DPP10: variants seen among roughly 807,000 people sequenced by gnomAD.
DPP10 encodes the protein dipeptidyl peptidase like 10.
Under a neutral mutation model 120.9 loss-of-function variants are expected in DPP10, and 33 were observed. The ratio of observed to expected loss-of-function variants is 0.27; its 90% CI spans 0.21 to 0.37. The LOEUF (loss-of-function observed/expected upper bound fraction) is 0.37. Ranked by LOEUF, DPP10 falls within the 10% of genes least tolerant of loss-of-function variation. The pLI is 1.00. For synonymous variants in DPP10, 337 were observed against 326.1 expected, an observed-to-expected ratio of 1.03 and a Z score of -0.36; for missense variants, 816 against 942.8, an observed-to-expected ratio of 0.87 and a Z score of 1.76.
chr2:115,628,759 TTTATTTTACA>T (rs1455382948), intron 5 of DPP10, among the ~76,000 whole-genome samples: 1 of 152,034 alleles, frequency 6.6e-6, no homozygotes, highest in Non-Finnish European at 1.5e-5. Flanking sequence ...CCCAGCACCA[TTTATTTTACA>T]TTTATTTATT....
chr2:114,859,622 G>A, intron 1 of DPP10, among the ~76,000 whole-genome samples: 1 of 152,104 alleles, frequency 6.6e-6, no homozygotes, highest in East Asian at 1.9e-4. Context: ...TAAAATCAGT[G>A]CCAAACGTTT....
At chr2:115,414,926 A>C (rs77011748) in intron 3 of DPP10, among the ~76,000 whole-genome samples, 1 of 152,084 alleles carries the variant, frequency 6.6e-6, no homozygotes, top group African/African-American at 2.4e-5. Context: ...CAATATCTCA[A>C]TTTCCACGGA....
rs111558215 is a variant in DPP10 at position 114,561,063 on chromosome 2, G to C, written c.60+118225G>C. 7.3e-3 allele frequency among the ~76,000 whole-genome samples: 1,104 copies of C among 152,190 alleles called. 14 individuals carry two copies. Among genetic ancestry groups the C allele is most frequent in the African/African-American group, 0.025 (1,020 of 41,522 alleles). On this transcript the variant is annotated intron_variant, in intron 1 of 25. Transcript: ENST00000410059. Reference sequence around the variant, plus strand: ...AGAGCCACAGCACCCCCTTTCTCCTGCCTGGGTGTCTCCTGTCCCTCCACA... The same window carrying C: ...AGAGCCACAGCACCCCCTTTCTCCTCCCTGGGTGTCTCCTGTCCCTCCACA...
chr2:115,197,613 T>C lies in DPP10; in HGVS notation c.61-111626T>C, dbSNP rs557484119. Among the ~76,000 whole-genome samples the C allele has an allele frequency of 2.2e-4, 33 of 152,286 alleles. 1 individual carries two copies. In the South Asian group the frequency reaches 6.4e-3, roughly 30 times the overall value. On this transcript the variant is annotated intron_variant, in intron 1 of 25. Transcript: ENST00000410059. Reference sequence around the variant, plus strand: ...TATCTTATTGGCTGTATCTTCAAGTTCTTTAAGCATTGACATCAGATTTTC... The same window carrying C: ...TATCTTATTGGCTGTATCTTCAAGTCCTTTAAGCATTGACATCAGATTTTC...
intron 1 of DPP10, among the ~76,000 whole-genome samples, chr2:115,271,052 C>G (rs2059679813): frequency 6.6e-6 from 1 of 152,178 alleles, no homozygotes; most frequent in Non-Finnish European, 1.5e-5. Context: ...ACTACTCAAG[C>G]TCTTTCCACC....
intron 5 of DPP10, among the ~76,000 whole-genome samples, chr2:115,651,137 T>A (rs59638221): frequency 7.9e-5 from 12 of 151,982 alleles, no homozygotes; most frequent in African/African-American, 2.4e-4. Flanking sequence ...GTCTCTGTGT[T>A]TCCCATCACC....
At chr2:115,732,686 G>A (rs2092939392) in intron 8 of DPP10, among the ~76,000 whole-genome samples, 2 of 151,818 alleles carry the variant, frequency 1.3e-5, no homozygotes, top group South Asian at 4.2e-4. Flanking sequence ...TTTCCATAAA[G>A]CATTTAATCT....
chr2:115,829,027 A>C (rs1384773257), intron 21 of DPP10, among the ~76,000 whole-genome samples: 1 of 152,118 alleles, frequency 6.6e-6, no homozygotes, highest in Non-Finnish European at 1.5e-5. Flanking sequence ...ATTTTGTTAA[A>C]ATTTGCATAT....
At chr2:115,053,302 C>G (rs1213177495) in intron 1 of DPP10, among the ~76,000 whole-genome samples, 2 of 152,200 alleles carry the variant, frequency 1.3e-5, no homozygotes, top group Admixed American at 1.3e-4. Context: ...CAACACAGTA[C>G]TAGCACACGC....
chr2:115,147,037 G>T (rs978837824), intron 1 of DPP10, among the ~76,000 whole-genome samples: 3 of 152,014 alleles, frequency 2.0e-5, no homozygotes, highest in African/African-American at 7.2e-5. Flanking sequence ...ATTGAACAAA[G>T]ATCATACCAA....
At chr2:114,753,724 A>G (rs1679451473) in intron 1 of DPP10, among the ~76,000 whole-genome samples, 2 of 152,052 alleles carry the variant, frequency 1.3e-5, no homozygotes, top group South Asian at 2.1e-4. Context: ...CCTGGCTAAC[A>G]CGGTGAAACC....
chr2:114,868,512 G>T (rs2106554829), intron 1 of DPP10, among the ~76,000 whole-genome samples: 1 of 152,240 alleles, frequency 6.6e-6, no homozygotes, highest in African/African-American at 2.4e-5. Context: ...GCACTGGAAA[G>T]AGTTTATCAC....
chr2:115,187,076 C>T (rs116405629), intron 1 of DPP10, among the ~76,000 whole-genome samples: 2,005 of 115,454 alleles, frequency 0.017, 19 homozygotes, highest in Middle Eastern at 0.07. Context: ...TTCGCTCTGT[C>T]GGGCCTGCGG....
At chr2:114,570,911 C>A (rs888078957) in intron 1 of DPP10, among the ~76,000 whole-genome samples, 1 of 147,572 alleles carries the variant, frequency 6.8e-6, no homozygotes, top group African/African-American at 2.5e-5. Context: ...AGAAAAAATT[C>A]ATGGATGGAC....
At chr2:115,266,048 A>G (rs2059448154) in intron 1 of DPP10, among the ~76,000 whole-genome samples, 1 of 152,286 alleles carries the variant, frequency 6.6e-6, no homozygotes, top group Middle Eastern at 3.4e-3. Flanking sequence ...CTTGAATTTC[A>G]TATTAGTGTT....
chr2:115,681,145 C>T lies in DPP10; in HGVS notation c.442-8542C>T, dbSNP rs1447504089. On this transcript the variant is annotated intron_variant, in intron 5 of 25. Transcript: ENST00000410059. ...TTGTTTTAGCCGTAGTAAAAAATGA[C>T]TGGTAATAGGAATCAAAATGTAAAA... 2.0e-5 allele frequency among the ~76,000 whole-genome samples: 3 copies of T among 151,708 alleles called. No individual in the cohort carries two copies. The East Asian group carries it at 5.8e-4, about 29-fold the overall frequency.
chr2:115,353,686 T>C (rs1007078346), intron 3 of DPP10, among the ~76,000 whole-genome samples: 8 of 152,178 alleles, frequency 5.3e-5, no homozygotes, highest in Non-Finnish European at 8.8e-5. Context: ...TTTGCATTTT[T>C]TTGAAAACCC....
At chr2:115,771,056 G>GTATTTATT (rs5833633) in intron 13 of DPP10, among the ~76,000 whole-genome samples, 62 of 149,202 alleles carry the variant, frequency 4.2e-4, no homozygotes, top group Middle Eastern at 3.4e-3. Flanking sequence ...ATACTGTACT[G>GTATTTATT]TATTTATTTA....
At chr2:114,800,172 A>G (rs1684073840) in intron 1 of DPP10, among the ~76,000 whole-genome samples, 1 of 152,224 alleles carries the variant, frequency 6.6e-6, no homozygotes, top group Non-Finnish European at 1.5e-5. Context: ...ACAAGGGGCA[A>G]AAAGAAAACC....
Sources: gnomAD v4.1 joint callset for allele counts (sites outside exome capture counted in the v4.1 genomes callset) on GRCh38, gnomAD v4.1.1 for gene constraint, MANE v1.5 for transcripts, NCBI Gene and HGNC (gene_info 2026-07-23, HGNC 2026-07-21) for gene names.